The following CHST8 variants were observed in gnomAD, a reference collection of about 807,000 sequenced individuals.
The protein encoded by CHST8 is carbohydrate sulfotransferase 8, also known as GALNAC-4-ST1.
CHST8 carries 10 observed loss-of-function variants against 15.0 expected under a neutral mutation model. The observed-to-expected ratio is 0.67, with a 90% confidence interval of 0.41 to 1.13. CHST8 has a LOEUF of 1.13. Among genes scored for constraint, CHST8 ranks in the 50% most tolerant of loss-of-function variants. The pLI, the probability that CHST8 is intolerant of heterozygous loss-of-function variation, is 0.00. For synonymous variants in CHST8, 259 were observed against 256.6 expected (o/e 1.01, Z -0.09); for missense variants, 634 against 608.2 (o/e 1.04, Z -0.45).
intron 1 of CHST8, among the ~76,000 whole-genome samples, chr19:33,657,514 C>T (rs1463006839): frequency 5.3e-5 from 8 of 151,782 alleles, no homozygotes; most frequent in Admixed American, 3.9e-4. Context: ...TTAAGCAATT[C>T]GCCCACCTCA....
chr19:33,769,138 A>G (rs953728243), intron 3 of CHST8, among the ~76,000 whole-genome samples: 2 of 152,208 alleles, frequency 1.3e-5, no homozygotes, highest in African/African-American at 4.8e-5. Context: ...GGTAAAATGG[A>G]ACAGGACCAC....
chr19:33,751,732 G>T (rs1974425226), intron 3 of CHST8, among the ~76,000 whole-genome samples: 1 of 152,230 alleles, frequency 6.6e-6, no homozygotes, highest in Admixed American at 6.5e-5. Flanking sequence ...CAGTGTGGAT[G>T]AGGGTGACCC....
intron 2 of CHST8, 36 bp from the exon 3 acceptor site, chr19:33,689,140 C>G: frequency 8.0e-7 from 1 of 1,255,896 alleles, no homozygotes; most frequent in South Asian, 1.8e-5. Context: ...GGGTGCCTCG[C>G]GCCTCGGTGA....
chr19:33,702,361 C>T (rs1407315769), intron 3 of CHST8, among the ~76,000 whole-genome samples: 1 of 152,220 alleles, frequency 6.6e-6, no homozygotes, highest in African/African-American at 2.4e-5. Context: ...TAGCTCTCTG[C>T]CACCTCAAAC....
chr19:33,645,105 A>G (rs1160931932), intron 1 of CHST8, among the ~76,000 whole-genome samples: 1 of 152,086 alleles, frequency 6.6e-6, no homozygotes, highest in African/African-American at 2.4e-5. Context: ...TCTGACCCCA[A>G]ATGTCCGTAG....
intron 1 of CHST8, among the ~76,000 whole-genome samples, chr19:33,633,004 T>C (rs2145438106): frequency 6.6e-6 from 1 of 152,188 alleles, no homozygotes; most frequent in Non-Finnish European, 1.5e-5. Flanking sequence ...CTAATTTTTG[T>C]ATTTTTAGTA....
intron 2 of CHST8, among the ~76,000 whole-genome samples, chr19:33,682,247 C>T (rs988960937): frequency 8.7e-5 from 12 of 137,272 alleles, no homozygotes; most frequent in Admixed American, 1.6e-4. Flanking sequence ...GACTGGAGTG[C>T]AGTGGCGTGA....
intron 3 of CHST8, among the ~76,000 whole-genome samples, chr19:33,707,871 CCAG>C (rs1166587356): frequency 6.6e-6 from 1 of 152,170 alleles, no homozygotes; most frequent in African/African-American, 2.4e-5. Flanking sequence ...TACATTCTCA[CCAG>C]CAGGGTATGA....
chr19:33,687,869 T>G (rs1047161293), intron 2 of CHST8, among the ~76,000 whole-genome samples: 4 of 152,104 alleles, frequency 2.6e-5, no homozygotes, highest in Non-Finnish European at 4.4e-5. Flanking sequence ...GTATTGTCCC[T>G]GGGCAGGGAG....
chr19:33,752,024 C>T (rs1292956199), intron 3 of CHST8, among the ~76,000 whole-genome samples: 1 of 152,206 alleles, frequency 6.6e-6, no homozygotes, highest in African/African-American at 2.4e-5. Flanking sequence ...CCCCACCAAC[C>T]CTGCACCTAG....
chr19:33,717,421 A>C (rs568930799), intron 3 of CHST8, among the ~76,000 whole-genome samples: 21 of 152,134 alleles, frequency 1.4e-4, no homozygotes, highest in African/African-American at 5.1e-4. Context: ...AGATCACACC[A>C]CTGCACTCCA....
chr19:33,670,686 C>G (rs1003148436), intron 2 of CHST8, among the ~76,000 whole-genome samples: 4 of 152,176 alleles, frequency 2.6e-5, no homozygotes, highest in Admixed American at 2.6e-4. Flanking sequence ...CTAAAGACCT[C>G]CATTAGAAGC....
At chr19:33,740,124 T>C (rs959839185) in intron 3 of CHST8, among the ~76,000 whole-genome samples, 5 of 152,212 alleles carry the variant, frequency 3.3e-5, no homozygotes, top group Admixed American at 6.5e-5. Flanking sequence ...TACGAGGCTA[T>C]GCTAAAGCCA....
At chr19:33,726,166 G>A (rs1170362750) in intron 3 of CHST8, among the ~76,000 whole-genome samples, 1 of 152,136 alleles carries the variant, frequency 6.6e-6, no homozygotes, top group Non-Finnish European at 1.5e-5. Flanking sequence ...GTGGCCAGGA[G>A]TGGAAGGTGT....
chr19:33,719,675 G>A (rs112638261), intron 3 of CHST8, among the ~76,000 whole-genome samples: 1 of 151,596 alleles, frequency 6.6e-6, no homozygotes. Flanking sequence ...ACCCCAGGCT[G>A]TCTGGGTCCA....
At chr19:33,670,117 G>A (rs183077262) in intron 2 of CHST8, among the ~76,000 whole-genome samples, 35 of 152,146 alleles carry the variant, frequency 2.3e-4, no homozygotes, top group Non-Finnish European at 1.8e-4. Context: ...CTAGTATTTC[G>A]CCAAGTTTTT....
rs1013628789 is a variant in CHST8, at chr19:33,771,351, A to C, written c.131-62A>C. ...TGTCCACAGCCAGCAGCCCATAAGC[A>C]GTTCCCTGGGAGCCATGTGGCAGAT... On this transcript the variant is annotated intron_variant, in intron 3 of 4. Coordinates refer to ENST00000650847, the MANE Select transcript of CHST8 (RefSeq NM_001127895.2). 1.5e-5 allele frequency: 23 copies of C among 1,528,236 alleles called. No homozygotes were observed. In the African/African-American group the frequency reaches 2.7e-4, roughly 18 times the overall value. 94.7% of individuals were successfully genotyped at this position (1,528,236 alleles called of 1,614,324 possible). A position where few individuals can be genotyped will look rare whatever the true frequency, so the allele number is the denominator to read the frequency against.
chr19:33,766,265 A>G (rs1974840486), intron 3 of CHST8, among the ~76,000 whole-genome samples: 1 of 149,734 alleles, frequency 6.7e-6, no homozygotes, highest in Non-Finnish European at 1.5e-5. Flanking sequence ...TCCCGCCTCC[A>G]TATATATCAC....
intron 1 of CHST8, among the ~76,000 whole-genome samples, chr19:33,649,591 C>A (rs181750155): frequency 9.9e-5 from 15 of 152,160 alleles, no homozygotes; most frequent in Admixed American, 9.8e-4. Context: ...CGCATACATA[C>A]TGAACAAACA....
Sources: gnomAD v4.1 joint callset for allele counts (sites outside exome capture counted in the v4.1 genomes callset) on GRCh38, gnomAD v4.1.1 for gene constraint, MANE v1.5 for transcripts, NCBI Gene and HGNC (gene_info 2026-07-23, HGNC 2026-07-21) for gene names.